ZFAT: variants seen among roughly 807,000 people sequenced by gnomAD.
The protein encoded by ZFAT is zinc finger and AT-hook domain containing, also known as zinc finger protein ZFAT.
In ZFAT, 64 loss-of-function variants were observed where a neutral mutation model predicts 117.7. The ratio of observed to expected loss-of-function variants is 0.54; its 90% confidence interval spans 0.44 to 0.67. The LOEUF is 0.67. Ranked by LOEUF, ZFAT falls within the 30% of genes least tolerant of loss-of-function variation. The pLI is 0.00. For missense variants in ZFAT, 1,433 were observed against 1,584.5 expected (o/e 0.90, Z 1.62); for synonymous variants, 679 against 615.0 (o/e 1.10, Z -1.54).
intron 12 of ZFAT, among the ~76,000 whole-genome samples, chr8:134,523,032 C>T (rs1316813420): frequency 6.6e-6 from 1 of 152,164 alleles, no homozygotes; most frequent in Non-Finnish European, 1.5e-5. Context: ...CCCCTTTCTC[C>T]TCTTTCTAGA....
chr8:134,630,565 G>A (rs548310848), intron 3 of ZFAT, among the ~76,000 whole-genome samples: 1 of 152,306 alleles, frequency 6.6e-6, no homozygotes, highest in East Asian at 1.9e-4. Flanking sequence ...AGAATAAGAG[G>A]AAATTTTCAC....
At chr8:134,789,630 T>A in the ZFAT span, among the ~76,000 whole-genome samples, 108 of 152,298 alleles carry the variant, frequency 7.1e-4, no homozygotes, top group Non-Finnish European at 1.4e-3. Context: ...AAATGCTACA[T>A]GGTAGAGAGT....
At chr8:134,647,813 T>C (rs867464599) in intron 2 of ZFAT, among the ~76,000 whole-genome samples, 4 of 152,064 alleles carry the variant, frequency 2.6e-5, no homozygotes, top group African/African-American at 9.7e-5. Flanking sequence ...AAGATCCGTA[T>C]ACTAAAAACC....
intron 12 of ZFAT, among the ~76,000 whole-genome samples, chr8:134,532,173 A>G (rs1252597775): frequency 6.6e-6 from 1 of 152,256 alleles, no homozygotes; most frequent in East Asian, 1.9e-4. Context: ...TTAATAATTT[A>G]AAATGAAGAG....
intron 15 of ZFAT, among the ~76,000 whole-genome samples, chr8:134,481,398 C>A (rs1289847618): frequency 6.6e-6 from 1 of 152,176 alleles, no homozygotes; most frequent in Non-Finnish European, 1.5e-5. Flanking sequence ...GGAGACAAAC[C>A]CATCCATGAG....
intron 3 of ZFAT, among the ~76,000 whole-genome samples, chr8:134,636,798 T>G (rs915879640): frequency 1.4e-4 from 21 of 152,314 alleles, no homozygotes; most frequent in Non-Finnish European, 2.2e-4. Flanking sequence ...CACAGCAACT[T>G]CATTCCCTGA....
chr8:134,694,145 G>A (rs544927138), intron 1 of ZFAT, among the ~76,000 whole-genome samples: 6 of 152,306 alleles, frequency 3.9e-5, no homozygotes, highest in South Asian at 2.1e-4. Flanking sequence ...CTGGAACGCG[G>A]GGCGCAGCTG....
At chr8:134,504,083 G>A (rs185441205) in intron 15 of ZFAT, among the ~76,000 whole-genome samples, 76 of 152,274 alleles carry the variant, frequency 5.0e-4, no homozygotes, top group African/African-American at 1.7e-3. Flanking sequence ...CATGCTGCTG[G>A]ACAGCCTCAC....
At position 134,478,735 on chromosome 8, in the gene ZFAT, G is replaced by T. The variant is rs773504427; in HGVS notation, c.3493-14C>A. The T allele has an allele frequency of 1.9e-6, 3 of 1,544,578 alleles. No individual in the cohort carries two copies. Among genetic ancestry groups the T allele is most frequent in the East Asian group, 2.4e-5 (1 of 40,854 alleles). On this transcript the variant is annotated splice_polypyrimidine_tract_variant and intron_variant, in intron 15 of 15. Transcript: ENST00000377838. The surrounding 1 kb of genome is among the most constrained non-coding windows in gnomAD (Gnocchi z 5.2). ...CTCCTCGGTGACCTGCGGGAGGAGG[G>T]CAAGAGAAAGGTCACCCAGCGCCTA... is the stretch of plus-strand genomic sequence containing the variant.
chr8:134,768,187 A>G, the ZFAT span, among the ~76,000 whole-genome samples: 7 of 152,316 alleles, frequency 4.6e-5, no homozygotes, highest in South Asian at 6.2e-4. Context: ...TGCTCGCTTC[A>G]TGCCTCTGTG....
At chr8:134,689,558 T>C (rs1045587412) in intron 1 of ZFAT, among the ~76,000 whole-genome samples, 3 of 152,126 alleles carry the variant, frequency 2.0e-5, no homozygotes, top group African/African-American at 7.2e-5. Context: ...TCAACAAAGA[T>C]GTGATTCGCA....
At chr8:134,729,059 A>G in the ZFAT span, among the ~76,000 whole-genome samples, 1 of 152,240 alleles carries the variant, frequency 6.6e-6, no homozygotes, top group Non-Finnish European at 1.5e-5. Context: ...GAATTATACT[A>G]TCAGGAAAGA....
intron 3 of ZFAT, among the ~76,000 whole-genome samples, chr8:134,611,810 G>A (rs574811594): frequency 3.3e-5 from 5 of 152,360 alleles, no homozygotes; most frequent in South Asian, 2.1e-4. Flanking sequence ...TGTCTAAGCC[G>A]GGAAGGGCTG....
At chr8:134,520,028 T>C (rs1401919779) in intron 13 of ZFAT, among the ~76,000 whole-genome samples, 1 of 152,200 alleles carries the variant, frequency 6.6e-6, no homozygotes, top group African/African-American at 2.4e-5. Context: ...ATGTATTATT[T>C]TTTTCATATG....
intron 2 of ZFAT, among the ~76,000 whole-genome samples, chr8:134,650,687 T>A (rs186304333): frequency 3.9e-4 from 59 of 152,324 alleles, no homozygotes; most frequent in Middle Eastern, 6.8e-3. Flanking sequence ...CTAAACAGCA[T>A]ACTACTGACA....
chr8:134,591,099 T>C (rs1475803631), intron 7 of ZFAT, among the ~76,000 whole-genome samples: 4 of 152,154 alleles, frequency 2.6e-5, no homozygotes, highest in Non-Finnish European at 2.9e-5. Flanking sequence ...CCAGTGCTAC[T>C]CTACAACCCA....
At chr8:134,691,642 C>T (rs1045353520) in intron 1 of ZFAT, among the ~76,000 whole-genome samples, 38 of 152,284 alleles carry the variant, frequency 2.5e-4, no homozygotes, top group Non-Finnish European at 2.4e-4. Context: ...AGAGACTTTT[C>T]GTAAATCCCC....
At chr8:134,820,435 C>G in the ZFAT span, among the ~76,000 whole-genome samples, 1 of 152,220 alleles carries the variant, frequency 6.6e-6, no homozygotes, top group Non-Finnish European at 1.5e-5. Flanking sequence ...TCATACAGCA[C>G]CTTGAGTGAT....
chr8:134,513,390 T>C (rs1327969762), intron 13 of ZFAT, among the ~76,000 whole-genome samples: 1 of 152,080 alleles, frequency 6.6e-6, no homozygotes, highest in Non-Finnish European at 1.5e-5. Flanking sequence ...TATTTTTAGT[T>C]TCACCATGTT....
Sources: allele counts gnomAD v4.1 joint callset (sites outside exome capture counted in the v4.1 genomes callset), GRCh38; gene constraint gnomAD v4.1.1; non-coding constraint Gnocchi (gnomAD v3.1); transcripts MANE v1.5; gene names NCBI Gene and HGNC (gene_info 2026-07-23, HGNC 2026-07-21).